Variants in ZFYVE9 observed in about 807,000 individuals in gnomAD.
ZFYVE9 encodes the protein zinc finger FYVE domain-containing protein 9.
In ZFYVE9, 43 loss-of-function variants were observed where a neutral mutation model predicts 126.7. That is an observed-to-expected ratio of 0.34 (90% CI 0.27 to 0.44). The LOEUF (loss-of-function observed/expected upper bound fraction) is 0.44. Ranked by LOEUF, ZFYVE9 falls within the 20% of genes least tolerant of loss-of-function variation. The pLI, the probability that ZFYVE9 is intolerant of heterozygous loss-of-function variation, is 1.00. For missense variants in ZFYVE9, 1,476 were observed against 1,697.0 expected (o/e 0.87, Z 2.29); for synonymous variants, 521 against 597.4 (o/e 0.87, Z 1.87).
chr1:52,271,925 C>T (rs766396841), intron 7 of ZFYVE9, among the ~76,000 whole-genome samples: 14 of 152,180 alleles, frequency 9.2e-5, no homozygotes, highest in Middle Eastern at 3.4e-3. Flanking sequence ...CTGCAACCTC[C>T]GCCTCCTGGG....
intron 1 of ZFYVE9, among the ~76,000 whole-genome samples, chr1:52,174,848 A>G (rs1406012870): frequency 6.6e-6 from 1 of 151,172 alleles, no homozygotes; most frequent in African/African-American, 2.4e-5. Flanking sequence ...TTTGTTTTCC[A>G]TTTGCTTGGT....
chr1:52,258,935 C>A (rs1292442157), intron 4 of ZFYVE9, among the ~76,000 whole-genome samples: 1 of 151,324 alleles, frequency 6.6e-6, no homozygotes, highest in Non-Finnish European at 1.5e-5. Context: ...ATTCAAAAAT[C>A]ATTATTTGAG....
chr1:52,239,743 T>C lies in ZFYVE9; in HGVS notation c.2178+148T>C, dbSNP rs569508101. 13 of 933,660 alleles carry C rather than the reference T, an allele frequency of 1.4e-5. No individual in the cohort carries two copies. In the African/African-American group the frequency reaches 2.2e-4, roughly 16 times the overall value. The allele number at this position is 933,660 out of a possible 1,614,324, so 57.8% of individuals were successfully genotyped here. ...AAAACCCAGTTCTAGTAAATTTCTA[T>C]ATAAAAAATGATGTCACTGATTCTT... On this transcript the variant is annotated intron_variant, in intron 4 of 18. Coordinates refer to ENST00000287727, the MANE Select transcript of ZFYVE9 (RefSeq NM_004799.4).
At chr1:52,190,672 T>TATA (rs1644808121) in intron 1 of ZFYVE9, among the ~76,000 whole-genome samples, 1 of 152,178 alleles carries the variant, frequency 6.6e-6, no homozygotes, top group Admixed American at 6.5e-5. Context: ...TGTGGTTCAT[T>TATA]ATAAGGGTCT....
At chr1:52,304,003 T>C in intron 13 of ZFYVE9, 78 bp downstream of exon 13, 1 of 890,466 alleles carries the variant, frequency 1.1e-6, no homozygotes, top group Admixed American at 2.9e-5. Context: ...TATATATAAA[T>C]TTTACTTATA....
intron 13 of ZFYVE9, among the ~76,000 whole-genome samples, chr1:52,318,264 T>G (rs79359259): frequency 6.6e-6 from 1 of 152,114 alleles, no homozygotes; most frequent in South Asian, 2.1e-4. Context: ...TTCCATAGTT[T>G]AGGATACAGG....
intron 13 of ZFYVE9, among the ~76,000 whole-genome samples, chr1:52,320,958 A>C (rs1646233980): frequency 6.6e-6 from 1 of 152,198 alleles, no homozygotes; most frequent in Non-Finnish European, 1.5e-5. Context: ...ATAGCCAAAG[A>C]GTTAACCTAT....
At chr1:52,272,671 A>ATTTTTTT (rs1645704660) in intron 7 of ZFYVE9, among the ~76,000 whole-genome samples, 3 of 134,850 alleles carry the variant, frequency 2.2e-5, no homozygotes, top group African/African-American at 1.0e-4. Flanking sequence ...GCTAGAAATA[A>ATTTTTTT]TCTTTTTTTT....
chr1:52,154,036 G>C (rs1644379564), intron 1 of ZFYVE9, among the ~76,000 whole-genome samples: 1 of 152,216 alleles, frequency 6.6e-6, no homozygotes, highest in East Asian at 1.9e-4. Flanking sequence ...CTTTTGTATG[G>C]AGCTGTTATG....
chr1:52,243,360 A>T (rs1199517263), intron 4 of ZFYVE9, among the ~76,000 whole-genome samples: 1 of 152,250 alleles, frequency 6.6e-6, no homozygotes, highest in Non-Finnish European at 1.5e-5. Context: ...ATGAGAAGAC[A>T]TCTGAGAAGT....
intron 5 of ZFYVE9, among the ~76,000 whole-genome samples, chr1:52,265,571 T>C: frequency 6.6e-6 from 1 of 152,218 alleles, no homozygotes; most frequent in East Asian, 1.9e-4. Context: ...AGTGAAATTA[T>C]AGGGTACACA....
chr1:52,310,253 A>G (rs1646125384), intron 13 of ZFYVE9, among the ~76,000 whole-genome samples: 1 of 152,136 alleles, frequency 6.6e-6, no homozygotes, highest in Admixed American at 6.6e-5. Flanking sequence ...GCACCATTGC[A>G]CTGGGCCTCA....
At chr1:52,317,534 C>G (rs1040221865) in intron 13 of ZFYVE9, among the ~76,000 whole-genome samples, 4 of 151,546 alleles carry the variant, frequency 2.6e-5, no homozygotes, top group African/African-American at 9.7e-5. Flanking sequence ...ATGACCTACT[C>G]GTCTACCTTA....
intron 1 of ZFYVE9, among the ~76,000 whole-genome samples, chr1:52,182,111 C>A (rs1030484517): frequency 1.2e-4 from 18 of 151,476 alleles, no homozygotes; most frequent in Admixed American, 8.5e-4. Context: ...GTCAGCCCCC[C>A]GTCCAGGAGA....
chr1:52,300,960 A>G (rs1000034835), intron 12 of ZFYVE9, among the ~76,000 whole-genome samples: 2 of 150,712 alleles, frequency 1.3e-5, no homozygotes, highest in Non-Finnish European at 3.0e-5. Context: ...CCCGGGCTCA[A>G]GCAATGCTCC....
intron 2 of ZFYVE9, among the ~76,000 whole-genome samples, chr1:52,221,222 C>T (rs1217603902): frequency 6.6e-6 from 1 of 152,206 alleles, no homozygotes; most frequent in Non-Finnish European, 1.5e-5. Context: ...AGGATTTCCC[C>T]ATCAACTGTG....
At chr1:52,302,421 A>C (rs1646044012) in intron 12 of ZFYVE9, among the ~76,000 whole-genome samples, 1 of 152,030 alleles carries the variant, frequency 6.6e-6, no homozygotes, top group Non-Finnish European at 1.5e-5. Context: ...TTCCACATCC[A>C]CAGTGGCAAA....
intron 7 of ZFYVE9, among the ~76,000 whole-genome samples, chr1:52,273,275 G>T (rs1482095806): frequency 6.6e-6 from 1 of 152,048 alleles, no homozygotes; most frequent in African/African-American, 2.4e-5. Flanking sequence ...CCAAAGTGCT[G>T]GGATTACAGG....
intron 1 of ZFYVE9, among the ~76,000 whole-genome samples, chr1:52,212,055 T>C (rs999257619): frequency 1.3e-5 from 2 of 152,246 alleles, no homozygotes; most frequent in African/African-American, 2.4e-5. Context: ...TCTTCTGTTA[T>C]ACATCCCAGG....
Sources: allele counts gnomAD v4.1 joint callset (sites outside exome capture counted in the v4.1 genomes callset), GRCh38; gene constraint gnomAD v4.1.1; transcripts MANE v1.5; gene names NCBI Gene and HGNC (gene_info 2026-07-23, HGNC 2026-07-21).